Variants in DACH2 observed in about 807,000 individuals in gnomAD.
DACH2 encodes dachshund family transcription factor 2.
Under a neutral mutation model 35.8 loss-of-function variants are expected in DACH2, and 17 were observed. The ratio of observed to expected loss-of-function variants is 0.48; its 90% CI spans 0.33 to 0.71. The LOEUF (loss-of-function observed/expected upper bound fraction) is 0.71. DACH2 is among the 30% of genes least tolerant of loss of function. The probability of loss-of-function intolerance (pLI) is 0.02; values close to 1 mark genes in which losing one functional copy is unlikely to be tolerated. For synonymous variants in DACH2, 195 were observed against 177.3 expected (o/e 1.10, Z -0.79); for missense variants, 469 against 472.7 (o/e 0.99, Z 0.07).
chrX:86,411,020 T>TTATATATATATATATATATATATATTTA (rs36194671), intron 2 of DACH2, among the ~76,000 whole-genome samples: 1 of 40,528 alleles, frequency 2.5e-5, no homozygotes, highest in Non-Finnish European at 4.4e-5. Context: ...ACTAATATGA[T>TTATATATATATATATATATATATATTTA]TATATATATA....
intron 1 of DACH2, among the ~76,000 whole-genome samples, chrX:86,359,698 A>G (rs1308823344): frequency 2.7e-5 from 3 of 110,846 alleles, no homozygotes; most frequent in Non-Finnish European, 5.7e-5. Flanking sequence ...ACAGTGAGCC[A>G]TGATTGTGCC....
chrX:86,342,271 G>A (rs2035425254), intron 1 of DACH2, among the ~76,000 whole-genome samples: 2 of 111,003 alleles, frequency 1.8e-5, no homozygotes, highest in African/African-American at 3.3e-5. Flanking sequence ...GTCTGATGTA[G>A]GAGGATCTCT....
At chrX:86,277,730 G>A (rs1336190166) in intron 1 of DACH2, among the ~76,000 whole-genome samples, 1 of 111,331 alleles carries the variant, frequency 9.0e-6, no homozygotes, top group Non-Finnish European at 1.9e-5. Flanking sequence ...ATTGGAAGTT[G>A]ACAACAACCA....
chrX:86,800,969 G>C (rs148817051), intron 7 of DACH2, among the ~76,000 whole-genome samples: 1 of 110,870 alleles, frequency 9.0e-6, no homozygotes, highest in Non-Finnish European at 1.9e-5. Flanking sequence ...TGTGCCCGGC[G>C]CAACAGTTTT....
chrX:86,254,794 AT>A (rs1157335713), intron 1 of DACH2, among the ~76,000 whole-genome samples: 3 of 68,958 alleles, frequency 4.4e-5, no homozygotes, highest in Non-Finnish European at 7.7e-5. Flanking sequence ...ATATATATAT[AT>A]ATATATATAT....
chrX:86,805,201 C>T (rs1026293469), intron 7 of DACH2, among the ~76,000 whole-genome samples: 1 of 113,156 alleles, frequency 8.8e-6, no homozygotes, highest in Non-Finnish European at 1.9e-5. Context: ...GCTCCCAAGC[C>T]TCAGCTCTTG....
chrX:86,276,265 G>T (rs1449835631), intron 1 of DACH2, among the ~76,000 whole-genome samples: 1 of 111,956 alleles, frequency 8.9e-6, no homozygotes, highest in Non-Finnish European at 1.9e-5. Flanking sequence ...GTTTTGATTT[G>T]CATTTGTCTA....
intron 7 of DACH2, among the ~76,000 whole-genome samples, chrX:86,810,256 T>C (rs1234963408): frequency 1.8e-5 from 2 of 111,994 alleles, no homozygotes; most frequent in African/African-American, 6.5e-5. Flanking sequence ...ATACTGAATG[T>C]ATTGCTTTCC....
chrX:86,240,507 C>A (rs968941903), intron 1 of DACH2, among the ~76,000 whole-genome samples: 2 of 107,944 alleles, frequency 1.9e-5, no homozygotes. Flanking sequence ...CTTGCTCTGT[C>A]ACCCAGTCTG....
At chrX:86,667,544 A>G (rs28661030) in intron 4 of DACH2, among the ~76,000 whole-genome samples, 297 of 36,139 alleles carry the variant, frequency 8.2e-3, no homozygotes, top group Middle Eastern at 0.029. Flanking sequence ...AAAGAAAGAA[A>G]GAAGAAAGAA....
At chrX:86,709,657 A>G (rs1270846807) in intron 5 of DACH2, among the ~76,000 whole-genome samples, 2 of 112,272 alleles carry the variant, frequency 1.8e-5, no homozygotes, top group East Asian at 5.6e-4. Flanking sequence ...ATATATGATA[A>G]AGGACCAATA....
chrX:86,480,539 C>G (rs966894244), intron 2 of DACH2, among the ~76,000 whole-genome samples: 3 of 111,767 alleles, frequency 2.7e-5, no homozygotes, highest in African/African-American at 9.8e-5. Flanking sequence ...CCAGCCAGGC[C>G]TGTGTGTTTC....
At chrX:86,326,882 C>T (rs1388163246) in intron 1 of DACH2, among the ~76,000 whole-genome samples, 4 of 111,684 alleles carry the variant, frequency 3.6e-5, no homozygotes, top group Non-Finnish European at 5.6e-5. Flanking sequence ...ATGGCACTAC[C>T]TTTTGTATGT....
In DACH2 at chrX:86,803,205, A is replaced by G. The variant is rs191757244; in HGVS notation, c.1241-9651A>G. On this transcript the variant is annotated intron_variant, in intron 7 of 11. Transcript: ENST00000373125. ...CCAAAAAATCAGTCAGGTCTGCTTT[A>G]TCTCTGATATAACAATAGATCATCT... 3.6e-5 allele frequency among the ~76,000 whole-genome samples: 4 copies of G among 111,957 alleles called. No homozygotes were observed. In the East Asian group the frequency reaches 1.1e-3, roughly 32 times the overall value.
intron 11 of DACH2, among the ~76,000 whole-genome samples, chrX:86,817,396 G>A (rs892517262): frequency 9.0e-6 from 1 of 111,172 alleles, no homozygotes; most frequent in Non-Finnish European, 1.9e-5. Flanking sequence ...TGGTATTTGA[G>A]GTTACCATCA....
At chrX:86,185,110 C>T in intron 1 of DACH2, among the ~76,000 whole-genome samples, 1 of 111,541 alleles carries the variant, frequency 9.0e-6, no homozygotes, top group Non-Finnish European at 1.9e-5. Context: ...TTTTAATATA[C>T]TTCCAAAGGA....
chrX:86,640,887 T>C (rs1040626561), intron 3 of DACH2, among the ~76,000 whole-genome samples: 1 of 111,888 alleles, frequency 8.9e-6, no homozygotes, highest in African/African-American at 3.3e-5. Flanking sequence ...AAAAGTCAGC[T>C]TCAAATAAAG....
At chrX:86,568,691 A>G (rs900169200) in intron 3 of DACH2, among the ~76,000 whole-genome samples, 2 of 111,363 alleles carry the variant, frequency 1.8e-5, no homozygotes, top group African/African-American at 6.5e-5. Flanking sequence ...TTCTTTTTTC[A>G]TTCATGTTTG....
intron 2 of DACH2, among the ~76,000 whole-genome samples, chrX:86,454,396 T>A (rs2037436874): frequency 8.9e-6 from 1 of 111,876 alleles, no homozygotes; most frequent in African/African-American, 3.2e-5. Flanking sequence ...ATTCTCCCCA[T>A]CTCTTTCAGG....
Sources: gnomAD v4.1 joint callset for allele counts (sites outside exome capture counted in the v4.1 genomes callset) on GRCh38, gnomAD v4.1.1 for gene constraint, MANE v1.5 for transcripts, NCBI Gene and HGNC (gene_info 2026-07-23, HGNC 2026-07-21) for gene names.